Variants in DBX2 observed in about 807,000 individuals in gnomAD.
DBX2 encodes developing brain homeobox 2.
DBX2 carries 16 observed loss-of-function variants against 17.7 expected under a neutral mutation model. The observed-to-expected ratio is 0.90, with a 90% confidence interval of 0.61 to 1.37. The LOEUF is 1.37. Among genes scored for constraint, DBX2 ranks in the 40% most tolerant of loss-of-function variants. The pLI is 0.00. For synonymous variants in DBX2, 255 were observed against 183.8 expected, an observed-to-expected ratio of 1.39 and a Z score of -3.13; for missense variants, 538 against 433.8, an observed-to-expected ratio of 1.24 and a Z score of -2.13.
chr12:45,050,661 G>C lies in DBX2; in HGVS notation c.267C>G (p.Ala89=). 6 of 1,548,970 alleles carry C rather than the reference G, an allele frequency of 3.9e-6. No individual in the cohort carries two copies. The highest frequency in any genetic ancestry group is 1.7e-4 in the Middle Eastern group (1 of 5,724). Residue 89 remains alanine, a synonymous_variant, in exon 1 of 4, where the codon GCC becomes GCG. Transcript: ENST00000332700. ...GCGCCCCGGCGGGGCTAACTTGTTC[G>C]GCTGCGGGGCACAGCTTTAGGGGAA... ...SPVPLKLCPA[A]EQVSPAGAPY...
chr12:45,046,228 G>A (rs965428456), intron 1 of DBX2, among the ~76,000 whole-genome samples: 6 of 152,162 alleles, frequency 3.9e-5, no homozygotes, highest in Middle Eastern at 3.4e-3. Context: ...TCATGAACTA[G>A]GTAAAAGTTA....
Position 45,015,653 on chromosome 12 carries a change from A to T in DBX2, c.*633T>A, listed in dbSNP as rs1946319272. ...AGGATACTAATAGTTATATACAGAA[A>T]TTCTTCTAATTTGCTTGTTAGGTTC... On this transcript the variant is annotated 3_prime_UTR_variant, in exon 4 of 4. Coordinates refer to ENST00000332700, the MANE Select transcript of DBX2 (RefSeq NM_001004329.3). 1 of 152,172 alleles carries T rather than the reference A, an allele frequency of 6.6e-6. No homozygotes were observed. The highest frequency in any genetic ancestry group is 2.4e-5 in the African/African-American group (1 of 41,440). The allele number at this position is 152,172 out of a possible 1,614,324, so 9.4% of individuals were successfully genotyped here. A position where few individuals can be genotyped will look rare whatever the true frequency, so the allele number is the denominator to read the frequency against.
intron 1 of DBX2, among the ~76,000 whole-genome samples, chr12:45,038,468 A>G (rs913568328): frequency 1.3e-5 from 2 of 151,656 alleles, no homozygotes; most frequent in African/African-American, 4.8e-5. Context: ...CATACTACTG[A>G]TATCATTAAT....
chr12:45,017,032 C>T (rs968551356), intron 3 of DBX2, among the ~76,000 whole-genome samples: 2 of 152,058 alleles, frequency 1.3e-5, no homozygotes, highest in African/African-American at 2.4e-5. Context: ...ACAATCTGCC[C>T]GCCTTGGCCC....
At chr12:45,016,701 A>G in intron 3 of DBX2, 83 bp from the exon 4 acceptor site, 3 of 1,377,806 alleles carry the variant, frequency 2.2e-6, no homozygotes, top group East Asian at 2.4e-5. Context: ...TGCTTCTACT[A>G]TCCCTTCTAC....
rs1316370288 is a variant in DBX2, at chr12:45,016,476, G to A, written c.830C>T (p.Pro277Leu). Residue 277 changes from proline (P) to leucine (L), a missense_variant, in exon 4 of 4, where the codon CCT becomes CTT. Pro to Leu is a moderately conservative substitution (Grantham distance 98). Coordinates refer to ENST00000332700, the MANE Select transcript of DBX2 (RefSeq NM_001004329.3). ...RSALGFPSPC[P>L]SIWDVPQQHS... ...CTGTTGGGGGACGTCCCATATTGAAGGACATGGAGAAGGGAAACCCAGAGC... is the reference window on the plus strand; with the variant it reads ...CTGTTGGGGGACGTCCCATATTGAAAGACATGGAGAAGGGAAACCCAGAGC... The A allele has an allele frequency of 1.2e-6, 2 of 1,613,762 alleles. No individual in the cohort carries two copies. Among genetic ancestry groups the A allele is most frequent in the Admixed American group, 1.7e-5 (1 of 59,964 alleles).
rs559506706 is a variant in DBX2 at position 45,028,542 on chromosome 12, C to T, written c.500-4648G>A. On this transcript the variant is annotated intron_variant, in intron 2 of 3. Transcript: ENST00000332700. ...TAAATGCCCCTAAAACTTTTAATAGCAACCCATAGGTTTTCCTAATAAGTT... is the reference window on the plus strand; with the variant it reads ...TAAATGCCCCTAAAACTTTTAATAGTAACCCATAGGTTTTCCTAATAAGTT... Among the ~76,000 whole-genome samples the T allele has an allele frequency of 3.9e-5, 6 of 152,166 alleles. 1 individual carries two copies. The South Asian group carries it at 1.2e-3, about 32-fold the overall frequency.
chr12:45,031,700 C>G (rs560079430), intron 2 of DBX2, among the ~76,000 whole-genome samples: 27 of 152,242 alleles, frequency 1.8e-4, no homozygotes, highest in Admixed American at 5.9e-4. Flanking sequence ...CAGAACTGAA[C>G]GGGTGCAGGC....
At position 45,016,213 on chromosome 12, in the gene DBX2, A is replaced by G; in HGVS notation, c.*73T>C. Reference sequence around the variant, plus strand: ...TAGGCTCTAAGCACTGATGAGGTACAAGCTAGCTGGCATTAGAGTCCAGAT... The same window carrying G: ...TAGGCTCTAAGCACTGATGAGGTACGAGCTAGCTGGCATTAGAGTCCAGAT... On this transcript the variant is annotated 3_prime_UTR_variant, in exon 4 of 4. Transcript: ENST00000332700. The G allele has an allele frequency of 6.8e-7, 1 of 1,467,614 alleles. No homozygotes were observed. The highest frequency in any genetic ancestry group is 9.1e-7 in the Non-Finnish European group (1 of 1,098,396). The allele number at this position is 1,467,614 out of a possible 1,614,324, so 90.9% of individuals were successfully genotyped here.
In DBX2 at chr12:45,027,838, G is replaced by GC. The variant is rs1229422293; in HGVS notation, c.500-3945_500-3944insG. Among the ~76,000 whole-genome samples, 5 of 152,218 alleles carry GC rather than the reference G, an allele frequency of 3.3e-5. No homozygotes were observed. The East Asian group carries it at 9.6e-4, about 29-fold the overall frequency. ...GGAATAACCAGTCAGTTACTGAGTT[G>GC]TTGTTGAGTGATAATCAAAGATGAA... On this transcript the variant is annotated intron_variant, in intron 2 of 3. Transcript: ENST00000332700.
Position 45,032,659 on chromosome 12 carries a change from A to G in DBX2, c.499+3360T>C, listed in dbSNP as rs531480571. ...AAGAAGATAGCATAATTATCTTAAAATGTAGAATATAAGTTCATCTCCCAA... is the reference window on the plus strand; with the variant it reads ...AAGAAGATAGCATAATTATCTTAAAGTGTAGAATATAAGTTCATCTCCCAA... On this transcript the variant is annotated intron_variant, in intron 2 of 3. Coordinates refer to ENST00000332700, the MANE Select transcript of DBX2 (RefSeq NM_001004329.3). 5.9e-5 allele frequency among the ~76,000 whole-genome samples: 9 copies of G among 152,324 alleles called. No individual in the cohort carries two copies. The East Asian group carries it at 1.7e-3, about 29-fold the overall frequency.
At chr12:45,043,299 A>G (rs1025164290) in intron 1 of DBX2, among the ~76,000 whole-genome samples, 1 of 152,130 alleles carries the variant, frequency 6.6e-6, no homozygotes, top group African/African-American at 2.4e-5. Context: ...CAGATATGAC[A>G]CTCTGAAACT....
At chr12:45,016,659 G>T in intron 3 of DBX2, 41 bp from the exon 4 acceptor site, 1 of 1,496,890 alleles carries the variant, frequency 6.7e-7, no homozygotes, top group Non-Finnish European at 8.9e-7. Flanking sequence ...ACTTATTCCA[G>T]GTTATTTTAC....
At chr12:45,033,239 G>A (rs189114125) in intron 2 of DBX2, among the ~76,000 whole-genome samples, 19 of 152,326 alleles carry the variant, frequency 1.2e-4, no homozygotes, top group African/African-American at 3.8e-4. Flanking sequence ...AGTTAAAAAT[G>A]TGCTGGTCTG....
Position 45,050,946 on chromosome 12 carries a change from C to A in DBX2, c.-19G>T. On this transcript the variant is annotated 5_prime_UTR_variant, in exon 1 of 4. Coordinates refer to ENST00000332700, the MANE Select transcript of DBX2 (RefSeq NM_001004329.3). ...GGAGCATAGTGCGGCGCCAACCGGT[C>A]TGCTGCGCGCCCGCCTTGCGCCCGC... The A allele has an allele frequency of 7.1e-7, 1 of 1,410,150 alleles. No individual in the cohort carries two copies. Among genetic ancestry groups the A allele is most frequent in the Non-Finnish European group, 9.2e-7 (1 of 1,081,476 alleles). 87.4% of individuals were successfully genotyped at this position (1,410,150 alleles called of 1,614,324 possible).
intron 1 of DBX2, among the ~76,000 whole-genome samples, chr12:45,044,520 A>G (rs1383051769): frequency 3.9e-5 from 6 of 152,174 alleles, no homozygotes; most frequent in African/African-American, 1.2e-4. Flanking sequence ...ACAAAAAATT[A>G]AGGTTGTTAT....
chr12:45,027,558 A>G (rs1039168416), intron 2 of DBX2, among the ~76,000 whole-genome samples: 1 of 152,238 alleles, frequency 6.6e-6, no homozygotes, highest in African/African-American at 2.4e-5. Context: ...ATCATTAAAG[A>G]TGAGGACGAT....
rs115261455 is a variant in DBX2 at position 45,041,935 on chromosome 12, A to G, written c.404-5821T>C. Among the ~76,000 whole-genome samples, 1,006 of 152,294 alleles carry G rather than the reference A, an allele frequency of 6.6e-3. 11 individuals carry two copies. Among genetic ancestry groups the G allele is most frequent in the African/African-American group, 0.023 (956 of 41,560 alleles). On this transcript the variant is annotated intron_variant, in intron 1 of 3. Transcript: ENST00000332700. Reference sequence around the variant, plus strand: ...AGTTTTGTTCAGTGAAACCTGACACACTCCCCAAGGAGATGCAATCTAACA... The same window carrying G: ...AGTTTTGTTCAGTGAAACCTGACACGCTCCCCAAGGAGATGCAATCTAACA...
intron 1 of DBX2, among the ~76,000 whole-genome samples, chr12:45,048,376 A>G (rs1299474698): frequency 1.3e-5 from 2 of 152,190 alleles, no homozygotes; most frequent in East Asian, 1.9e-4. Flanking sequence ...GTTGGATAAC[A>G]TTTCAGAAAA....
Sources: gnomAD v4.1 joint callset for allele counts (sites outside exome capture counted in the v4.1 genomes callset) on GRCh38, gnomAD v4.1.1 for gene constraint, MANE v1.5 for transcripts, NCBI Gene and HGNC (gene_info 2026-07-23, HGNC 2026-07-21) for gene names.